EP400: variants seen among roughly 807,000 people sequenced by gnomAD.
The protein encoded by EP400 is E1A-binding protein p400.
In EP400, 105 loss-of-function variants were observed where a neutral mutation model predicts 354.1. That is an observed-to-expected ratio of 0.30 (90% CI 0.25 to 0.35). EP400 has a LOEUF of 0.35. Among genes scored for constraint, EP400 ranks in the 10% least tolerant of loss-of-function variants. The pLI is 1.00. For synonymous variants in EP400, 1,646 were observed against 1,716.9 expected (o/e 0.96, Z 1.02); for missense variants, 3,280 against 4,121.0 (o/e 0.80, Z 5.59).
chr12:132,032,045 G>C lies in EP400; in HGVS notation c.5847G>C (p.Ala1949=), dbSNP rs750349521. ...SRTTGINLVE[A]DTVVFYDNDL... ...CCACAGGTATAAACCTTGTAGAGGCGGACACCGTCGTGTTTTATGACAATG... is the reference window on the plus strand; with the variant it reads ...CCACAGGTATAAACCTTGTAGAGGCCGACACCGTCGTGTTTTATGACAATG... The change falls in exon 30 of 53, where the codon GCG becomes GCC. Residue 1949 remains alanine (A), a synonymous_variant. Coordinates refer to ENST00000389561, the MANE Select transcript of EP400 (RefSeq NM_015409.5). 2 of 1,614,034 alleles carry C rather than the reference G, an allele frequency of 1.2e-6. No individual in the cohort carries two copies. Among genetic ancestry groups the C allele is most frequent in the African/African-American group, 2.7e-5 (2 of 74,910 alleles).
At chr12:131,950,772 G>A (rs1891446950) in intron 1 of EP400, among the ~76,000 whole-genome samples, 1 of 152,246 alleles carries the variant, frequency 6.6e-6, no homozygotes, top group Admixed American at 6.5e-5. Context: ...ATTACTTTCT[G>A]AGACGGGGTC....
chr12:132,076,105 G>T (rs1240147474), intron 51 of EP400: 1 of 226,232 alleles, frequency 4.4e-6, no homozygotes, highest in African/African-American at 2.3e-5. Flanking sequence ...CACTTCAGCT[G>T]GCTGCCCTAG....
rs749024942 is a variant in EP400, at chr12:132,045,574, G to A, written c.7026+14G>A. On this transcript the variant is annotated intron_variant, in intron 38 of 52. Transcript: ENST00000389561. ...GCGCTGCTGCAGGTAGGTGGGCGTG[G>A]TCTTTGTGCCAGCGGTCATGTGCGG... 2 of 1,613,184 alleles carry A rather than the reference G, an allele frequency of 1.2e-6. No individual in the cohort carries two copies. Among genetic ancestry groups the A allele is most frequent in the South Asian group, 2.2e-5 (2 of 91,040 alleles).
chr12:131,966,751 A>G (rs558428437), intron 2 of EP400, among the ~76,000 whole-genome samples: 1 of 150,830 alleles, frequency 6.6e-6, no homozygotes, highest in Admixed American at 6.6e-5. Flanking sequence ...TAAAAATACC[A>G]CAATTAGCCG....
In EP400 at chr12:132,050,687, G is replaced by A; in HGVS notation, c.7394+32G>A. The A allele has an allele frequency of 6.2e-7, 1 of 1,613,566 alleles. No homozygotes were observed. The highest frequency in any genetic ancestry group is 8.5e-7 in the Non-Finnish European group (1 of 1,179,498). On this transcript the variant is annotated intron_variant, in intron 41 of 52. Transcript: ENST00000389561. This position sits in a 1 kb window ranked among gnomAD's most constrained non-coding sequence, Gnocchi z 4.8. Reference sequence around the variant, plus strand: ...CTCTATTCGTGACACATTTGTTACTGTTTGGAAGGATTTCATTCCAGTGTC... The same window carrying A: ...CTCTATTCGTGACACATTTGTTACTATTTGGAAGGATTTCATTCCAGTGTC...
At chr12:131,995,264 C>T (rs973061399) in intron 12 of EP400, among the ~76,000 whole-genome samples, 3 of 152,112 alleles carry the variant, frequency 2.0e-5, no homozygotes, top group African/African-American at 4.8e-5. Context: ...CTGAATGTGC[C>T]GTTCATCCTG....
At chr12:131,973,270 G>C (rs1892360202) in intron 2 of EP400, among the ~76,000 whole-genome samples, 1 of 152,200 alleles carries the variant, frequency 6.6e-6, no homozygotes, top group Non-Finnish European at 1.5e-5. Flanking sequence ...AATCAGGAGA[G>C]CGTAAGTCTC....
At chr12:131,971,481 C>T (rs1333168213) in intron 2 of EP400, among the ~76,000 whole-genome samples, 1 of 152,138 alleles carries the variant, frequency 6.6e-6, no homozygotes, top group African/African-American at 2.4e-5. Flanking sequence ...GATTTCCTTT[C>T]CTTTGGCTGT....
rs1226244385 is a variant in EP400 at position 132,017,297 on chromosome 12, G to T, written c.3924-238G>T. ...GTATGATTGTGAATGAAGTGGAGTGGCTGTCTTTCCGTCAGCTCTGGTGGG... is the reference window on the plus strand; with the variant it reads ...GTATGATTGTGAATGAAGTGGAGTGTCTGTCTTTCCGTCAGCTCTGGTGGG... On this transcript the variant is annotated intron_variant, in intron 19 of 52. Transcript: ENST00000389561. The surrounding 1 kb of genome is among the most constrained non-coding windows in gnomAD (Gnocchi z 5.0). Among the ~76,000 whole-genome samples, 1 of 152,044 alleles carries T rather than the reference G, an allele frequency of 6.6e-6. No homozygotes were observed. Among genetic ancestry groups the T allele is most frequent in the African/African-American group, 2.4e-5 (1 of 41,410 alleles).
chr12:131,992,417 C>G (rs111226415), intron 11 of EP400, among the ~76,000 whole-genome samples, 187 bp downstream of exon 11: 1 of 152,292 alleles, frequency 6.6e-6, no homozygotes, highest in African/African-American at 2.4e-5. Flanking sequence ...GGGATGTTTT[C>G]TGGAGCAACA....
chr12:132,061,333 GA>G (rs10711281), intron 45 of EP400, among the ~76,000 whole-genome samples: 19,425 of 152,242 alleles, frequency 0.13, 1,731 homozygotes, highest in African/African-American at 0.25. Flanking sequence ...GAGATGAAAA[GA>G]AACATACAGC....
At position 132,062,513 on chromosome 12, in the gene EP400, C is replaced by T; in HGVS notation, c.8146C>T (p.Gln2716Ter). 1 of 1,613,518 alleles carries T rather than the reference C, an allele frequency of 6.2e-7. No individual in the cohort carries two copies. The highest frequency in any genetic ancestry group is 8.5e-7 in the Non-Finnish European group (1 of 1,180,030). Residue 2716 changes from glutamine to a stop codon, truncating the protein, a stop_gained, in exon 47 of 53, where the codon CAG becomes TAG. Coordinates refer to ENST00000389561, the MANE Select transcript of EP400 (RefSeq NM_015409.5). LOFTEE classifies it high-confidence loss of function. The part of the protein sequence containing the change: ...PGKTITPAHF[Q>*]LLRQQQQQQQ... ...AAAAACCATCACACCTGCACATTTCCAGCTTCTCAGGCAGCAGCAGCAGCA... is the reference window on the plus strand; with the variant it reads ...AAAAACCATCACACCTGCACATTTCTAGCTTCTCAGGCAGCAGCAGCAGCA...
At chr12:132,047,632 G>C (rs1261749791) in intron 39 of EP400, among the ~76,000 whole-genome samples, 1 of 152,212 alleles carries the variant, frequency 6.6e-6, no homozygotes, top group Non-Finnish European at 1.5e-5. Flanking sequence ...AAGGTAAATG[G>C]AGGCAGGGCG....
In EP400 at chr12:132,008,190, C is replaced by T. The variant is rs563320177; in HGVS notation, c.3304+1313C>T. On this transcript the variant is annotated intron_variant, in intron 15 of 52. Transcript: ENST00000389561. ...CTCGAACTCCCAACCTCAGGTGATC[C>T]GCCTGCCTTGACCTTCCAAAATGCT... Among the ~76,000 whole-genome samples, 46 of 152,288 alleles carry T rather than the reference C, an allele frequency of 3.0e-4. No homozygotes were observed. The South Asian group carries it at 9.3e-3, about 31-fold the overall frequency.
At position 131,973,591 on chromosome 12, in the gene EP400, C is replaced by T. The variant is rs184461848; in HGVS notation, c.1336-6103C>T. On this transcript the variant is annotated intron_variant, in intron 2 of 52. Coordinates refer to ENST00000389561, the MANE Select transcript of EP400 (RefSeq NM_015409.5). ...CCAGGAGGCAGAGGCTACAGTGAGC[C>T]AAGATTGTGCCGCTGCACTCCAGCC... is the stretch of plus-strand genomic sequence containing the variant. Among the ~76,000 whole-genome samples, 921 of 152,142 alleles carry T rather than the reference C, an allele frequency of 6.1e-3. 11 individuals carry two copies. The highest frequency in any genetic ancestry group is 0.021 in the African/African-American group (878 of 41,512).
At chr12:132,020,271 A>G in intron 22 of EP400, 53 bp downstream of exon 22, 9 of 1,518,964 alleles carry the variant, frequency 5.9e-6, no homozygotes, top group South Asian at 1.3e-5. Context: ...TTTGTGGGAC[A>G]AGTTCATGGC....
chr12:131,974,302 A>G (rs1319493595), intron 2 of EP400, among the ~76,000 whole-genome samples: 2 of 151,922 alleles, frequency 1.3e-5, no homozygotes, highest in East Asian at 1.9e-4. Flanking sequence ...TTTTGTAGAA[A>G]TGGAGGTCTC....
At position 132,067,258 on chromosome 12, in the gene EP400, T is replaced by C; in HGVS notation, c.8750-104T>C. ...GCTTACTTGTCTCCATAGAGTTTCA[T>C]AGTTTGTTATTTTCTGTAGAGGTGA... On this transcript the variant is annotated intron_variant, in intron 49 of 52. Transcript: ENST00000389561. The surrounding 1 kb of genome is among the most constrained non-coding windows in gnomAD (Gnocchi z 5.3). 6.7e-7 allele frequency: 1 copy of C among 1,483,128 alleles called. No homozygotes were observed. Among genetic ancestry groups the C allele is most frequent in the Non-Finnish European group, 9.1e-7 (1 of 1,100,040 alleles). The allele number at this position is 1,483,128 out of a possible 1,614,324, so 91.9% of individuals were successfully genotyped here.
chr12:132,069,874 C>T (rs760275373), intron 51 of EP400, among the ~76,000 whole-genome samples: 1 of 152,202 alleles, frequency 6.6e-6, no homozygotes, highest in East Asian at 1.9e-4. Flanking sequence ...TTCTGGACGT[C>T]GATCTCCAGC....
Sources: gnomAD v4.1 joint callset for allele counts (sites outside exome capture counted in the v4.1 genomes callset) on GRCh38, gnomAD v4.1.1 for gene constraint, Gnocchi (gnomAD v3.1) non-coding constraint, MANE v1.5 for transcripts, NCBI Gene and HGNC (gene_info 2026-07-23, HGNC 2026-07-21) for gene names.